SLC28A1: variants seen among roughly 807,000 people sequenced by gnomAD.
SLC28A1 encodes sodium/nucleoside cotransporter 1.
SLC28A1 carries 64 observed loss-of-function variants against 74.8 expected under a neutral mutation model. That is an observed-to-expected ratio of 0.86 (90% CI 0.70 to 1.05). SLC28A1 has a LOEUF of 1.05. SLC28A1 is among the 50% of genes least tolerant of loss of function. The pLI, the probability that SLC28A1 is intolerant of heterozygous loss-of-function variation, is 0.00. For missense variants in SLC28A1, 828 were observed against 822.8 expected (o/e 1.01, Z -0.08); for synonymous variants, 359 against 335.0 (o/e 1.07, Z -0.78).
intron 9 of SLC28A1, among the ~76,000 whole-genome samples, chr15:84,910,724 A>T (rs2063721130): frequency 6.6e-6 from 1 of 152,142 alleles, no homozygotes; most frequent in African/African-American, 2.4e-5. Flanking sequence ...GCGAAACTGC[A>T]TCTCAACAAA....
At chr15:84,936,703 C>G (rs1255089474) in intron 15 of SLC28A1, among the ~76,000 whole-genome samples, 13 of 152,200 alleles carry the variant, frequency 8.5e-5, no homozygotes, top group Admixed American at 6.5e-5. Flanking sequence ...TACCTACAAT[C>G]TCACCATCCC....
At chr15:84,953,151 G>A in the SLC28A1 span, among the ~76,000 whole-genome samples, 1 of 152,176 alleles carries the variant, frequency 6.6e-6, no homozygotes, top group Admixed American at 6.5e-5. Flanking sequence ...TTTTGGATCT[G>A]GGGCATGTCA....
chr15:84,944,835 G>A lies in SLC28A1; in HGVS notation c.1842G>A (p.Glu614=). The part of the protein sequence containing the change: ...LNTTLSSSSF[E]IYQCCREAFQ... The stretch of plus-strand genomic sequence containing the variant: ...CGACCCTCAGCAGCAGTAGCTTTGA[G>A]ATTTACCAGTGCTGCCGTGAGGCCT... The change falls in exon 18 of 19, where the codon GAG becomes GAA. Residue 614 remains glutamate, a synonymous_variant. Transcript: ENST00000394573. 2 of 1,613,988 alleles carry A rather than the reference G, an allele frequency of 1.2e-6. No homozygotes were observed. The highest frequency in any genetic ancestry group is 1.7e-6 in the Non-Finnish European group (2 of 1,179,876).
rs575987499 is a variant in SLC28A1, at chr15:84,890,446, G to A, written c.189G>A (p.Arg63=). 3.6e-5 allele frequency: 58 copies of A among 1,607,594 alleles called. No individual in the cohort carries two copies. In the South Asian group the frequency reaches 6.0e-4, roughly 17 times the overall value. The part of the protein sequence containing the change: ...EAAPKPFSRW[R]NLQPALRARS... ...ACCCTGCTGGTCTTGTTCCCAGGAG[G>A]AACCTGCAGCCAGCCCTGAGAGCCA... The change falls in exon 5 of 19, where the codon AGG becomes AGA. Residue 63 remains arginine, a synonymous_variant. Transcript: ENST00000394573.
the SLC28A1 span, among the ~76,000 whole-genome samples, chr15:84,975,184 T>C: frequency 6.6e-6 from 1 of 152,230 alleles, no homozygotes. Flanking sequence ...ATTTTTGTTA[T>C]TTTATTTCCC....
chr15:84,911,994 TC>T (rs1968324044), intron 9 of SLC28A1, among the ~76,000 whole-genome samples: 1 of 152,180 alleles, frequency 6.6e-6, no homozygotes, highest in South Asian at 2.1e-4. Context: ...CCTCAGCATT[TC>T]CCAGCGAAAC....
the SLC28A1 span, among the ~76,000 whole-genome samples, chr15:84,960,228 C>CTTTTTTT: frequency 2.7e-4 from 23 of 85,582 alleles, 1 homozygote; most frequent in East Asian, 7.2e-4. Context: ...TGCCTGCCTG[C>CTTTTTTT]TTTTTTTTTT....
At chr15:84,908,128 ACTT>A (rs1436944572) in intron 8 of SLC28A1, among the ~76,000 whole-genome samples, 1 of 148,152 alleles carries the variant, frequency 6.7e-6, no homozygotes, top group Non-Finnish European at 1.5e-5. Flanking sequence ...TCTCATGGTT[ACTT>A]CTTCTGTTAT....
rs1491266890 is a variant in SLC28A1 at position 84,906,556 on chromosome 15, CT to C, written c.717+907del. On this transcript the variant is annotated intron_variant, in intron 8 of 18. Transcript: ENST00000394573. Reference sequence around the variant, plus strand: ...TCTTTCTTTCTTTCTTTCTTTCTTTCTTTCTTTCTCTTTCTTTCTTCCTTCC... The same window carrying C: ...TCTTTCTTTCTTTCTTTCTTTCTTTCTTCTTTCTCTTTCTTTCTTCCTTCC... Among the ~76,000 whole-genome samples, 93 of 89,226 alleles carry C rather than the reference CT, an allele frequency of 1.0e-3. 1 individual carries two copies. The highest frequency in any genetic ancestry group is 3.6e-3 in the African/African-American group (89 of 24,532). The allele number at this position is 89,226 out of a possible 152,430, so 58.5% of individuals were successfully genotyped here.
chr15:84,937,633 G>A (rs1033380456), intron 15 of SLC28A1, among the ~76,000 whole-genome samples: 4 of 152,182 alleles, frequency 2.6e-5, no homozygotes, highest in African/African-American at 7.2e-5. Context: ...CAGGCACGGT[G>A]GCTCACACCT....
chr15:84,919,402 T>C (rs545842782), intron 10 of SLC28A1, among the ~76,000 whole-genome samples: 109 of 152,374 alleles, frequency 7.2e-4, no homozygotes, highest in African/African-American at 2.3e-3. Flanking sequence ...GGTTATTATC[T>C]TTGTTCATTT....
At chr15:84,946,407 G>A (rs1007365470), downstream of SLC28A1, among the ~76,000 whole-genome samples, 4 of 151,904 alleles carry the variant, frequency 2.6e-5, no homozygotes, top group Admixed American at 1.3e-4. Flanking sequence ...TGTTCTCAGC[G>A]CTTTATATAT....
chr15:84,898,105 G>T (rs1461499131), intron 6 of SLC28A1, among the ~76,000 whole-genome samples: 1 of 150,154 alleles, frequency 6.7e-6, no homozygotes, highest in Admixed American at 6.8e-5. Flanking sequence ...TGGAGTGCAG[G>T]TGTCTTTTCA....
At chr15:84,935,276 GC>G in intron 14 of SLC28A1, 44 bp from the exon 15 acceptor site, 5 of 1,612,412 alleles carry the variant, frequency 3.1e-6, no homozygotes, top group Non-Finnish European at 4.2e-6. Flanking sequence ...ACCTAGCAGA[GC>G]CCAGGCCCAG....
intron 9 of SLC28A1, among the ~76,000 whole-genome samples, chr15:84,917,737 T>C (rs1969318260): frequency 6.6e-6 from 1 of 152,216 alleles, no homozygotes; most frequent in Non-Finnish European, 1.5e-5. Flanking sequence ...AGGGTATGTC[T>C]GTATCCTAGG....
At chr15:84,930,505 C>T (rs1971137497) in intron 12 of SLC28A1, among the ~76,000 whole-genome samples, 1 of 152,084 alleles carries the variant, frequency 6.6e-6, no homozygotes, top group Non-Finnish European at 1.5e-5. Flanking sequence ...AGAAGAAGGA[C>T]ACAATACCTG....
Position 84,928,527 on chromosome 15 carries a change from G to GTTCT in SLC28A1, c.1083+4492_1083+4495dup, listed in dbSNP as rs1200042713. ...TTCCTTCAAGCTCCCAGGTTCGTTC[G>GTTCT]TTCTTTCTTTCTTTCTTTCTTTCTT... On this transcript the variant is annotated intron_variant, in intron 12 of 18. Coordinates refer to ENST00000394573, the MANE Select transcript of SLC28A1 (RefSeq NM_004213.5). 7.0e-4 allele frequency among the ~76,000 whole-genome samples: 33 copies of GTTCT among 47,166 alleles called. 1 individual carries two copies. The highest frequency in any genetic ancestry group is 1.7e-3 in the East Asian group (2 of 1,170). 30.9% of individuals were successfully genotyped at this position (47,166 alleles called of 152,430 possible).
At chr15:84,952,951 C>G in the SLC28A1 span, among the ~76,000 whole-genome samples, 2 of 152,116 alleles carry the variant, frequency 1.3e-5, no homozygotes, top group African/African-American at 2.4e-5. Flanking sequence ...GCTTTTATCC[C>G]TTGAAACTTC....
chr15:84,917,944 G>T (rs1969342338), intron 9 of SLC28A1, among the ~76,000 whole-genome samples: 1 of 152,144 alleles, frequency 6.6e-6, no homozygotes, highest in Non-Finnish European at 1.5e-5. Flanking sequence ...GGAGTGTTAA[G>T]CCTGGTACTA....
Sources: gnomAD v4.1 joint callset for allele counts (sites outside exome capture counted in the v4.1 genomes callset) on GRCh38, gnomAD v4.1.1 for gene constraint, MANE v1.5 for transcripts, NCBI Gene and HGNC (gene_info 2026-07-23, HGNC 2026-07-21) for gene names.